Variants in DOCK10 observed in about 807,000 individuals in gnomAD.
DOCK10 encodes the protein dedicator of cytokinesis 10, also known as dedicator of cytokinesis protein 10.
Under a neutral mutation model 280.1 loss-of-function variants are expected in DOCK10, and 145 were observed. The ratio of observed to expected loss-of-function variants is 0.52; its 90% CI spans 0.45 to 0.59. The LOEUF (loss-of-function observed/expected upper bound fraction) is 0.59. Among genes scored for constraint, DOCK10 ranks in the 20% least tolerant of loss-of-function variants. DOCK10 has a pLI of 0.00. For synonymous variants in DOCK10, 915 were observed against 942.2 expected (o/e 0.97, Z 0.53); for missense variants, 2,368 against 2,651.7 (o/e 0.89, Z 2.35).
intron 1 of DOCK10, among the ~76,000 whole-genome samples, chr2:225,004,114 C>T (rs12476233): frequency 0.15 from 22,362 of 152,170 alleles, 2,873 homozygotes; most frequent in African/African-American, 0.34. Flanking sequence ...CAAAGATATG[C>T]CCATATCCCA....
At chr2:224,816,018 A>G (rs924543257) in intron 30 of DOCK10, among the ~76,000 whole-genome samples, 1 of 152,082 alleles carries the variant, frequency 6.6e-6, no homozygotes, top group African/African-American at 2.4e-5. Flanking sequence ...TGGGTGACAG[A>G]GTGAGACTCT....
chr2:224,869,519 A>G (rs1355563257), intron 11 of DOCK10, among the ~76,000 whole-genome samples: 1 of 152,252 alleles, frequency 6.6e-6, no homozygotes, highest in Non-Finnish European at 1.5e-5. Context: ...AAACAATGGT[A>G]TTAAATAACA....
chr2:224,930,826 T>C (rs1027847092), intron 2 of DOCK10, among the ~76,000 whole-genome samples: 13 of 152,222 alleles, frequency 8.5e-5, no homozygotes, highest in Admixed American at 8.5e-4. Flanking sequence ...TAGCTGCCCA[T>C]TGAGATCTCT....
chr2:225,039,454 C>G (rs1690355220), intron 1 of DOCK10, among the ~76,000 whole-genome samples: 1 of 152,130 alleles, frequency 6.6e-6, no homozygotes, highest in Non-Finnish European at 1.5e-5. Context: ...TTGTTCATTA[C>G]TGTTCTTGGG....
chr2:224,841,796 C>T lies in DOCK10; in HGVS notation c.2661+8G>A. The T allele has an allele frequency of 6.3e-7, 1 of 1,591,402 alleles. No homozygotes were observed. On this transcript the variant is annotated splice_region_variant and intron_variant, in intron 23 of 55. Coordinates refer to ENST00000258390, the MANE Select transcript of DOCK10 (RefSeq NM_014689.3). ...GAGATCACTGAAACTGCTTGCATGT[C>T]ATGTTACCTTACAAGAGCGGATGAA... is the stretch of plus-strand genomic sequence containing the variant.
At position 224,864,979 on chromosome 2, in the gene DOCK10, A is replaced by G. The variant is rs775829142; in HGVS notation, c.1366T>C (p.Leu456=). Residue 456 remains leucine, a synonymous_variant, in exon 12 of 56, where the codon TTG becomes CTG. Transcript: ENST00000258390. ...LNHAAVRQML[L]GASVALENGN... is the part of the protein sequence containing the mutation. Reference sequence around the variant, plus strand: ...TTTTCCAAAGCCACAGAAGCCCCCAAGAGCATCTGTCTGACAGCAGCATGG... The same window carrying G: ...TTTTCCAAAGCCACAGAAGCCCCCAGGAGCATCTGTCTGACAGCAGCATGG... The G allele has an allele frequency of 3.7e-6, 6 of 1,614,002 alleles. No homozygotes were observed. Among genetic ancestry groups the G allele is most frequent in the East Asian group, 4.5e-5 (2 of 44,882 alleles).
chr2:224,895,899 A>C (rs1445519431), intron 4 of DOCK10, among the ~76,000 whole-genome samples: 1 of 151,352 alleles, frequency 6.6e-6, no homozygotes, highest in Non-Finnish European at 1.5e-5. Context: ...ATGACTTCTG[A>C]TATCCCAGCA....
rs183544328 is a variant in DOCK10 at position 224,782,349 on chromosome 2, C to A, written c.5656-4065G>T. 2.0e-3 allele frequency among the ~76,000 whole-genome samples: 307 copies of A among 152,234 alleles called. 1 individual carries two copies. Among genetic ancestry groups the A allele is most frequent in the South Asian group, 3.5e-3 (17 of 4,820 alleles). On this transcript the variant is annotated intron_variant, in intron 50 of 55. Transcript: ENST00000258390. Reference sequence around the variant, plus strand: ...TGGATAGAATAAAATTCTTCCAGGTCTTTTACTTAATTAATTCCAGGGGCA... The same window carrying A: ...TGGATAGAATAAAATTCTTCCAGGTATTTTACTTAATTAATTCCAGGGGCA...
At chr2:224,846,848 A>T (rs935897924) in intron 19 of DOCK10, among the ~76,000 whole-genome samples, 2 of 152,158 alleles carry the variant, frequency 1.3e-5, no homozygotes, top group African/African-American at 4.8e-5. Flanking sequence ...GTAGAGACAG[A>T]TGTCTTACTT....
intron 1 of DOCK10, among the ~76,000 whole-genome samples, chr2:224,939,530 T>C (rs1702887840): frequency 6.6e-6 from 1 of 152,216 alleles, no homozygotes; most frequent in Non-Finnish European, 1.5e-5. Context: ...CTAAATTACA[T>C]GTCTCATTTA....
chr2:224,895,618 A>G (rs1699931949), intron 4 of DOCK10, among the ~76,000 whole-genome samples: 1 of 152,118 alleles, frequency 6.6e-6, no homozygotes, highest in East Asian at 1.9e-4. Context: ...TTCTGCAGGG[A>G]AAAGTCCCTG....
chr2:225,018,300 G>A (rs1454342964), intron 1 of DOCK10, among the ~76,000 whole-genome samples: 4 of 151,632 alleles, frequency 2.6e-5, no homozygotes, highest in Non-Finnish European at 5.9e-5. Context: ...GCTAACCCAG[G>A]GGTAGGTATG....
intron 27 of DOCK10, among the ~76,000 whole-genome samples, chr2:224,829,399 A>T (rs953199549): frequency 2.0e-5 from 3 of 152,204 alleles, no homozygotes; most frequent in Admixed American, 1.3e-4. Context: ...GGGGGAGGCC[A>T]GGTGGGAGCT....
chr2:224,818,497 A>T (rs1291114966), intron 29 of DOCK10, among the ~76,000 whole-genome samples: 4 of 146,460 alleles, frequency 2.7e-5, no homozygotes, highest in Non-Finnish European at 5.9e-5. Flanking sequence ...TCCCGGGTTC[A>T]CCCCATTCTC....
At chr2:224,856,839 G>A (rs747533380) in intron 15 of DOCK10, 21 bp downstream of exon 15, 45 of 1,582,034 alleles carry the variant, frequency 2.8e-5, no homozygotes, top group Middle Eastern at 1.7e-4. Context: ...TGTTAATTTC[G>A]AGAGTATAAA....
At position 224,793,414 on chromosome 2, in the gene DOCK10, T is replaced by C; in HGVS notation, c.5198A>G (p.Tyr1733Cys). The C allele has an allele frequency of 6.2e-7, 1 of 1,613,484 alleles. No individual in the cohort carries two copies. The highest frequency in any genetic ancestry group is 8.5e-7 in the Non-Finnish European group (1 of 1,179,620). ...GGTCATCTTACCCTTTCTTTTCAGA[T>C]ACTCTGCAATGAGAGCAGCAATATG... ...YIHIAALIAEYLKRKGYWKVE... is the reference protein window; with the variant it reads ...YIHIAALIAECLKRKGYWKVE... Residue 1733 changes from tyrosine to cysteine, a missense_variant, in exon 46 of 56, where the codon TAT becomes TGT. Tyr to Cys is a radical substitution (Grantham distance 194, BLOSUM62 -2). Coordinates refer to ENST00000258390, the MANE Select transcript of DOCK10 (RefSeq NM_014689.3).
chr2:224,793,360 GAT>G (rs1692337534), intron 46 of DOCK10, 38 bp downstream of exon 46: 1 of 1,513,846 alleles, frequency 6.6e-7, no homozygotes, highest in Admixed American at 1.8e-5. Context: ...TCAATGTGTT[GAT>G]ATCTAGGCTT....
intron 1 of DOCK10, among the ~76,000 whole-genome samples, chr2:225,017,023 G>A (rs112925790): frequency 3.1e-3 from 461 of 149,934 alleles, no homozygotes; most frequent in African/African-American, 0.01. Flanking sequence ...GCGCCCGGCC[G>A]CCTCTTATAT....
At chr2:224,873,762 T>C (rs994934376) in intron 11 of DOCK10, among the ~76,000 whole-genome samples, 4 of 152,166 alleles carry the variant, frequency 2.6e-5, no homozygotes, top group Non-Finnish European at 5.9e-5. Flanking sequence ...AGTATATTGA[T>C]AAAGTATAGT....
Sources: gnomAD v4.1 joint callset for allele counts (sites outside exome capture counted in the v4.1 genomes callset) on GRCh38, gnomAD v4.1.1 for gene constraint, MANE v1.5 for transcripts, NCBI Gene and HGNC (gene_info 2026-07-23, HGNC 2026-07-21) for gene names.